SLC6A11: variants seen among roughly 807,000 people sequenced by gnomAD.
SLC6A11 encodes solute carrier family 6 member 11, also known as sodium- and chloride-dependent GABA transporter 3.
Under a neutral mutation model 74.8 loss-of-function variants are expected in SLC6A11, and 25 were observed. That is an observed-to-expected ratio of 0.33 (90% CI 0.24 to 0.47). SLC6A11 has a LOEUF of 0.47. SLC6A11 is among the 20% of genes least tolerant of loss of function. The pLI is 1.00. For synonymous variants in SLC6A11, 330 were observed against 330.2 expected, an observed-to-expected ratio of 1.00 and a Z score of 0.01; for missense variants, 574 against 837.0, an observed-to-expected ratio of 0.69 and a Z score of 3.88.
intron 5 of SLC6A11, among the ~76,000 whole-genome samples, chr3:10,870,697 A>G (rs764796748): frequency 2.0e-5 from 3 of 152,248 alleles, no homozygotes; most frequent in Non-Finnish European, 4.4e-5. Flanking sequence ...TAAAAGAGCT[A>G]TAGACACAGG....
intron 7 of SLC6A11, among the ~76,000 whole-genome samples, chr3:10,917,496 A>G (rs1695473864): frequency 6.6e-6 from 1 of 152,180 alleles, no homozygotes; most frequent in Non-Finnish European, 1.5e-5. Context: ...CCTAAGTCTC[A>G]GTCCAGGCAC....
intron 4 of SLC6A11, among the ~76,000 whole-genome samples, chr3:10,832,665 C>G (rs1694312872): frequency 6.6e-6 from 1 of 152,208 alleles, no homozygotes; most frequent in African/African-American, 2.4e-5. Flanking sequence ...TCTCCTCCTG[C>G]TAGTATTTCC....
intron 4 of SLC6A11, among the ~76,000 whole-genome samples, chr3:10,831,110 A>G (rs1373056353): frequency 6.6e-6 from 1 of 152,092 alleles, no homozygotes; most frequent in East Asian, 1.9e-4. Flanking sequence ...AGGTCTTCTA[A>G]TCTCACATGT....
intron 4 of SLC6A11, among the ~76,000 whole-genome samples, chr3:10,834,203 C>T (rs1189524453): frequency 6.6e-6 from 1 of 152,262 alleles, no homozygotes. Flanking sequence ...ACCCAGCCAT[C>T]TGCATCTCTC....
intron 6 of SLC6A11, among the ~76,000 whole-genome samples, chr3:10,896,394 T>C (rs1473078793): frequency 6.6e-6 from 1 of 152,196 alleles, no homozygotes; most frequent in Non-Finnish European, 1.5e-5. Context: ...ACAAACCTAG[T>C]CTCATTTTGT....
chr3:10,887,743 G>A (rs550272834), intron 6 of SLC6A11, among the ~76,000 whole-genome samples: 45 of 152,250 alleles, frequency 3.0e-4, no homozygotes, highest in African/African-American at 1.1e-3. Flanking sequence ...GTGCCCTGCT[G>A]AAACAGACAG....
intron 6 of SLC6A11, among the ~76,000 whole-genome samples, chr3:10,910,704 A>T (rs900544619): frequency 1.3e-5 from 2 of 152,098 alleles, no homozygotes; most frequent in Non-Finnish European, 2.9e-5. Flanking sequence ...ATGGACTTGC[A>T]TCTGCCACTT....
At chr3:10,843,853 G>T (rs1694468508) in intron 4 of SLC6A11, among the ~76,000 whole-genome samples, 1 of 152,198 alleles carries the variant, frequency 6.6e-6, no homozygotes, top group Non-Finnish European at 1.5e-5. Context: ...GTTTGGCAGG[G>T]CAGGATGTAT....
chr3:10,837,380 C>G (rs1267298987), intron 4 of SLC6A11, among the ~76,000 whole-genome samples: 1 of 152,124 alleles, frequency 6.6e-6, no homozygotes, highest in Non-Finnish European at 1.5e-5. Context: ...CCTGGCTCCC[C>G]AGGGTACTGG....
chr3:10,869,333 C>T (rs1694802262), intron 5 of SLC6A11, among the ~76,000 whole-genome samples: 1 of 152,160 alleles, frequency 6.6e-6, no homozygotes, highest in African/African-American at 2.4e-5. Flanking sequence ...GTTTATGAGG[C>T]TAAGAGGGTG....
chr3:10,886,042 C>T (rs1695038529), intron 6 of SLC6A11, among the ~76,000 whole-genome samples: 1 of 152,224 alleles, frequency 6.6e-6, no homozygotes, highest in South Asian at 2.1e-4. Context: ...TCAGACTCAG[C>T]TCTCTGCATG....
intron 5 of SLC6A11, among the ~76,000 whole-genome samples, chr3:10,846,601 G>A (rs1694506400): frequency 6.6e-6 from 1 of 152,240 alleles, no homozygotes; most frequent in Non-Finnish European, 1.5e-5. Context: ...GGGCGATTAA[G>A]TCTGAGCGTT....
chr3:10,818,594 G>C (rs1026864551), intron 1 of SLC6A11, among the ~76,000 whole-genome samples: 1 of 152,150 alleles, frequency 6.6e-6, no homozygotes, highest in East Asian at 1.9e-4. Flanking sequence ...TAATCCTTAC[G>C]GTTAAGGAGA....
chr3:10,816,704 C>A lies in SLC6A11; in HGVS notation c.256+183C>A, dbSNP rs191639782. ...CGCGGCCCACCTGTGCCAGTGCGCA[C>A]GCGCACGTGCCAATTCGCACCTGAG... On this transcript the variant is annotated intron_variant, in intron 1 of 13. Coordinates refer to ENST00000254488, the MANE Select transcript of SLC6A11 (RefSeq NM_014229.3). This position sits in a 1 kb window ranked among gnomAD's most constrained non-coding sequence, Gnocchi z 4.2. Among the ~76,000 whole-genome samples the A allele has an allele frequency of 1.2e-4, 18 of 152,308 alleles. No homozygotes were observed. Among genetic ancestry groups the A allele is most frequent in the African/African-American group, 4.3e-4 (18 of 41,576 alleles).
intron 10 of SLC6A11, 150 bp downstream of exon 10, chr3:10,929,489 C>G (rs1695655571): frequency 1.2e-6 from 1 of 829,316 alleles, no homozygotes; most frequent in Admixed American, 2.4e-5. Context: ...TGGTGAGGAT[C>G]TAATGGAAGT....
chr3:10,879,828 CT>C (rs886937135), intron 6 of SLC6A11, among the ~76,000 whole-genome samples: 10 of 152,080 alleles, frequency 6.6e-5, no homozygotes, highest in Admixed American at 6.6e-4. Flanking sequence ...TTGAAACCTT[CT>C]GTGTACCGAC....
At chr3:10,847,472 G>A (rs1251833784) in intron 5 of SLC6A11, among the ~76,000 whole-genome samples, 1 of 152,220 alleles carries the variant, frequency 6.6e-6, no homozygotes, top group Non-Finnish European at 1.5e-5. Context: ...CCTAAGGCCA[G>A]CATTAGTGTC....
chr3:10,817,877 C>T (rs1694083997), intron 1 of SLC6A11, among the ~76,000 whole-genome samples: 2 of 152,184 alleles, frequency 1.3e-5, no homozygotes, highest in Admixed American at 6.5e-5. Flanking sequence ...GGCTGTGAAT[C>T]CTGCCTCTCT....
intron 5 of SLC6A11, among the ~76,000 whole-genome samples, chr3:10,845,173 A>G (rs917200037): frequency 2.0e-5 from 3 of 152,192 alleles, no homozygotes; most frequent in Non-Finnish European, 4.4e-5. Flanking sequence ...TTCATGTGGT[A>G]AAAAGAAATC....
Sources: allele counts gnomAD v4.1 joint callset (sites outside exome capture counted in the v4.1 genomes callset), GRCh38; gene constraint gnomAD v4.1.1; non-coding constraint Gnocchi (gnomAD v3.1); transcripts MANE v1.5; gene names NCBI Gene and HGNC (gene_info 2026-07-23, HGNC 2026-07-21).